The following ZMYM2 variants were observed in gnomAD, a reference collection of about 807,000 sequenced individuals.
ZMYM2 encodes zinc finger MYM-type containing 2, also known as zinc finger MYM-type protein 2.
In ZMYM2, 56 loss-of-function variants were observed where a neutral mutation model predicts 162.8. The ratio of observed to expected loss-of-function variants is 0.34; its 90% CI spans 0.28 to 0.43. The LOEUF is 0.43. Among genes scored for constraint, ZMYM2 ranks in the 20% least tolerant of loss-of-function variants. The probability of loss-of-function intolerance (pLI) is 1.00; values close to 1 mark genes in which losing one functional copy is unlikely to be tolerated. For missense variants in ZMYM2, 1,275 were observed against 1,621.8 expected (o/e 0.79, Z 3.67); for synonymous variants, 510 against 541.6 (o/e 0.94, Z 0.81).
chr13:20,063,897 AATTT>A (rs1956460575), intron 18 of ZMYM2, among the ~76,000 whole-genome samples: 1 of 143,824 alleles, frequency 7.0e-6, no homozygotes, highest in South Asian at 2.2e-4. Context: ...ATATAAATAT[AATTT>A]TATATATAAT....
the ZMYM2 span, among the ~76,000 whole-genome samples, chr13:19,952,733 C>A: frequency 2.6e-5 from 4 of 151,890 alleles, no homozygotes; most frequent in Admixed American, 2.6e-4. Context: ...CATTGGGATC[C>A]CAAAGGATGA....
intron 15 of ZMYM2, 82 bp from the exon 16 acceptor site, chr13:20,059,365 C>A: frequency 2.1e-6 from 3 of 1,433,428 alleles, no homozygotes; most frequent in Non-Finnish European, 2.8e-6. Flanking sequence ...TTAAATTTTT[C>A]TTTATCAAAT....
At chr13:19,900,075 G>A in the ZMYM2 span, among the ~76,000 whole-genome samples, 2 of 152,124 alleles carry the variant, frequency 1.3e-5, no homozygotes, top group African/African-American at 4.8e-5. Context: ...GGAGGCTGAG[G>A]TGGGCACATT....
At chr13:20,059,391 C>A in intron 15 of ZMYM2, 56 bp from the exon 16 acceptor site, 1 of 1,570,288 alleles carries the variant, frequency 6.4e-7, no homozygotes, top group Non-Finnish European at 8.6e-7. Flanking sequence ...TAACATTGAG[C>A]ACCTGTATAT....
At chr13:20,008,133 TTTTTG>T (rs1472042344) in intron 6 of ZMYM2, among the ~76,000 whole-genome samples, 1 of 152,090 alleles carries the variant, frequency 6.6e-6, no homozygotes, top group Non-Finnish European at 1.5e-5. Context: ...TTGTTGTTGT[TTTTTG>T]TTTTGTTTTG....
At chr13:20,002,587 T>G (rs993581022) in intron 3 of ZMYM2, among the ~76,000 whole-genome samples, 6 of 152,190 alleles carry the variant, frequency 3.9e-5, no homozygotes, top group African/African-American at 1.4e-4. Flanking sequence ...ATGGCTAGAT[T>G]GAGCTCTGAG....
At chr13:19,918,183 G>A in the ZMYM2 span, among the ~76,000 whole-genome samples, 3 of 152,104 alleles carry the variant, frequency 2.0e-5, no homozygotes, top group African/African-American at 7.2e-5. Context: ...AGTGGCTCAC[G>A]CCTGTAATCC....
chr13:20,007,428 C>T (rs1035969581), intron 6 of ZMYM2, among the ~76,000 whole-genome samples: 1 of 152,070 alleles, frequency 6.6e-6, no homozygotes, highest in East Asian at 1.9e-4. Flanking sequence ...TGAACCACTG[C>T]ACCCGTCCAG....
chr13:19,865,845 CA>C, the ZMYM2 span, among the ~76,000 whole-genome samples: 6 of 152,262 alleles, frequency 3.9e-5, no homozygotes, highest in East Asian at 1.2e-3. Context: ...AAGATAGTGT[CA>C]TTTATTGTAA....
upstream of ZMYM2, among the ~76,000 whole-genome samples, chr13:19,954,955 C>T (rs974928349): frequency 6.6e-6 from 1 of 151,896 alleles, no homozygotes; most frequent in Non-Finnish European, 1.5e-5. Context: ...GGACTACAAG[C>T]ATGCACCACG....
chr13:19,968,002 C>T (rs914480542), intron 2 of ZMYM2, among the ~76,000 whole-genome samples: 8 of 152,134 alleles, frequency 5.3e-5, no homozygotes, highest in African/African-American at 1.9e-4. Context: ...AATGCTTTAT[C>T]CTCCAGAATC....
the ZMYM2 span, among the ~76,000 whole-genome samples, chr13:19,931,001 C>G: frequency 2.0e-5 from 3 of 150,772 alleles, no homozygotes; most frequent in Admixed American, 6.6e-5. Flanking sequence ...TAGCCAGGCG[C>G]GGTGGCGGGC....
chr13:19,882,575 A>G, the ZMYM2 span, among the ~76,000 whole-genome samples: 1 of 152,016 alleles, frequency 6.6e-6, no homozygotes, highest in East Asian at 1.9e-4. Flanking sequence ...GGTGAGACCC[A>G]GTCTCTACCA....
the ZMYM2 span, among the ~76,000 whole-genome samples, chr13:19,888,574 G>A: frequency 6.6e-6 from 1 of 151,756 alleles, no homozygotes; most frequent in African/African-American, 2.4e-5. Flanking sequence ...GAGATTTAAT[G>A]TGGATCCTCT....
chr13:20,077,554 T>C (rs563449063), intron 21 of ZMYM2, among the ~76,000 whole-genome samples: 1 of 142,134 alleles, frequency 7.0e-6, no homozygotes, highest in Non-Finnish European at 1.5e-5. Context: ...AATGAAAAAG[T>C]ATAGGAATTT....
At chr13:19,993,035 TTA>T in intron 2 of ZMYM2, 26 bp from the exon 3 acceptor site, 1 of 1,537,518 alleles carries the variant, frequency 6.5e-7, no homozygotes, top group South Asian at 1.3e-5. Context: ...TACTGACATT[TTA>T]ATTCTTTTTT....
chr13:19,899,873 T>C, the ZMYM2 span, among the ~76,000 whole-genome samples: 2,033 of 129,994 alleles, frequency 0.016, 26 homozygotes, highest in Middle Eastern at 0.023. Context: ...AAACCAAGAA[T>C]GAGTTCTTTG....
At chr13:19,966,175 C>G (rs1487699848) in intron 2 of ZMYM2, among the ~76,000 whole-genome samples, 1 of 150,556 alleles carries the variant, frequency 6.6e-6, no homozygotes, top group African/African-American at 2.5e-5. Context: ...TCTCTTGTTG[C>G]CCAGGCTGGA....
the ZMYM2 span, among the ~76,000 whole-genome samples, chr13:19,937,294 GC>G: frequency 2.6e-5 from 4 of 151,860 alleles, no homozygotes; most frequent in Non-Finnish European, 5.9e-5. Context: ...GCGCCACCAT[GC>G]CCAGCTAATT....
Sources: allele counts gnomAD v4.1 joint callset (sites outside exome capture counted in the v4.1 genomes callset), GRCh38; gene constraint gnomAD v4.1.1; transcripts MANE v1.5; gene names NCBI Gene and HGNC (gene_info 2026-07-23, HGNC 2026-07-21).